The following RASSF5 variants were observed in gnomAD, a reference collection of about 807,000 sequenced individuals.
RASSF5 encodes the protein ras association domain-containing protein 5.
A neutral mutation model predicts 40.5 loss-of-function variants in RASSF5; 25 were observed. The observed-to-expected ratio is 0.62, with a 90% CI of 0.45 to 0.86. The LOEUF (loss-of-function observed/expected upper bound fraction) is 0.86, where lower values mean the gene tolerates loss of function less well. Among genes scored for constraint, RASSF5 ranks in the 40% least tolerant of loss-of-function variants. The pLI is 0.00. For synonymous variants in RASSF5, 246 were observed against 252.4 expected (o/e 0.97, Z 0.24); for missense variants, 521 against 572.8 (o/e 0.91, Z 0.92).
chr1:206,509,753 G>C (rs1553394383), intron 1 of RASSF5, among the ~76,000 whole-genome samples: 1 of 151,660 alleles, frequency 6.6e-6, no homozygotes, highest in African/African-American at 2.4e-5. Context: ...TGGTGATAAT[G>C]GTGCGTTTGT....
Position 206,584,436 on chromosome 1 carries a change from G to T in RASSF5, c.740G>T (p.Arg247Leu), listed in dbSNP as rs150163860. ...TTCATCAAAGTGCATCTGAAACTCC[G>T]GCGGCCTGTGACGGTGCCTGCTGGG... Reference protein sequence around the residue: ...TGFIKVHLKLRRPVTVPAGIR... With the variant: ...TGFIKVHLKLLRPVTVPAGIR... Residue 247 changes from arginine (R) to leucine (L), a missense_variant, in exon 4 of 6, where the codon CGG becomes CTG. Arg to Leu is a moderately radical substitution (Grantham distance 102). This residue lies in a region of RASSF5 where 284 missense variants were observed against 360.8 expected (regional missense o/e 0.79). Coordinates refer to ENST00000579436, the MANE Select transcript of RASSF5 (RefSeq NM_182663.4). This position sits in a 1 kb window ranked among gnomAD's most constrained non-coding sequence, Gnocchi z 4.9. The T allele has an allele frequency of 6.1e-5, 99 of 1,614,110 alleles. No homozygotes were observed. In the African/African-American group the frequency reaches 1.1e-3, roughly 18 times the overall value.
chr1:206,585,436 G>C (rs1175449083), intron 5 of RASSF5, 141 bp downstream of exon 5: 1 of 669,256 alleles, frequency 1.5e-6, no homozygotes, highest in Admixed American at 2.2e-5. Context: ...GAGCAGGGGT[G>C]GGTGATGGGC....
rs200482213 is a variant in RASSF5, at chr1:206,584,378, C to T, written c.691-9C>T. 30 of 1,604,020 alleles carry T rather than the reference C, an allele frequency of 1.9e-5. No individual in the cohort carries two copies. The highest frequency in any genetic ancestry group is 1.7e-4 in the Middle Eastern group (1 of 5,994). ...GCCCTGACCCCCTGTGACATGCCCC[C>T]GCTGGCAGAGTGAAGACGGCACCTA... is the stretch of plus-strand genomic sequence containing the variant. On this transcript the variant is annotated splice_polypyrimidine_tract_variant and intron_variant, in intron 3 of 5. Coordinates refer to ENST00000579436, the MANE Select transcript of RASSF5 (RefSeq NM_182663.4). This position sits in a 1 kb window ranked among gnomAD's most constrained non-coding sequence, Gnocchi z 4.9.
intron 2 of RASSF5, chr1:206,557,446 G>C (rs1464502615): frequency 6.3e-6 from 9 of 1,436,624 alleles, no homozygotes; most frequent in Non-Finnish European, 8.2e-6. Flanking sequence ...ACCAGCTCCC[G>C]GCTCGGGGCT....
chr1:206,533,615 C>T (rs1438326180), intron 1 of RASSF5, among the ~76,000 whole-genome samples: 1 of 151,946 alleles, frequency 6.6e-6, no homozygotes, highest in Non-Finnish European at 1.5e-5. Context: ...ATCAACTGGG[C>T]ATGGTGGCAC....
intron 1 of RASSF5, among the ~76,000 whole-genome samples, chr1:206,536,791 G>A (rs1019531180): frequency 2.2e-5 from 3 of 135,414 alleles, no homozygotes; most frequent in Admixed American, 7.4e-5. Context: ...CACAAAACCC[G>A]CCCACCCTAA....
intron 2 of RASSF5, among the ~76,000 whole-genome samples, chr1:206,538,664 T>A (rs1167520248): frequency 6.6e-6 from 1 of 152,178 alleles, no homozygotes; most frequent in Non-Finnish European, 1.5e-5. Flanking sequence ...TCAAGCACAT[T>A]GTCCAGCCAG....
At chr1:206,585,385 G>C in intron 5 of RASSF5, 90 bp downstream of exon 5, 1 of 896,792 alleles carries the variant, frequency 1.1e-6, no homozygotes. Flanking sequence ...ACATAGGTGG[G>C]AGCCACGCAG....
At chr1:206,517,482 A>C (rs959686074) in intron 1 of RASSF5, among the ~76,000 whole-genome samples, 1 of 152,076 alleles carries the variant, frequency 6.6e-6, no homozygotes, top group African/African-American at 2.4e-5. Context: ...AAAAAAAAAG[A>C]AAAAAGAACA....
chr1:206,531,495 G>T lies in RASSF5; in HGVS notation c.458-6677G>T, dbSNP rs1291088831. On this transcript the variant is annotated intron_variant, in intron 1 of 5. Coordinates refer to ENST00000579436, the MANE Select transcript of RASSF5 (RefSeq NM_182663.4). The surrounding 1 kb of genome is among the most constrained non-coding windows in gnomAD (Gnocchi z 4.7). ...AGGGTAGAGGCTGCAGGGTGAGGGT[G>T]CAGGGGGCTGGAGGTGGTGGAGCTG... Among the ~76,000 whole-genome samples, 4 of 152,216 alleles carry T rather than the reference G, an allele frequency of 2.6e-5. No homozygotes were observed. Among genetic ancestry groups the T allele is most frequent in the African/African-American group, 4.8e-5 (2 of 41,456 alleles).
intron 1 of RASSF5, chr1:206,529,277 C>A: frequency 2.1e-6 from 2 of 942,598 alleles, no homozygotes; most frequent in Non-Finnish European, 3.4e-6. Flanking sequence ...GAGCTGCCGG[C>A]AAAGGGGACG....
At chr1:206,508,410 C>T (rs1233499147) in intron 1 of RASSF5, among the ~76,000 whole-genome samples, 12 of 151,652 alleles carry the variant, frequency 7.9e-5, no homozygotes, top group African/African-American at 2.9e-4. Context: ...CCTCTGTCAT[C>T]TCCCTGTGCA....
chr1:206,575,676 C>G (rs1258249048), intron 2 of RASSF5, among the ~76,000 whole-genome samples: 1 of 152,186 alleles, frequency 6.6e-6, no homozygotes, highest in East Asian at 1.9e-4. Flanking sequence ...ACCACCCTAT[C>G]TTATGTGTAA....
At chr1:206,514,308 C>T (rs1467920987) in intron 1 of RASSF5, among the ~76,000 whole-genome samples, 4 of 152,192 alleles carry the variant, frequency 2.6e-5, no homozygotes, top group African/African-American at 4.8e-5. Flanking sequence ...GATTTTCTTT[C>T]GGATTTTCCT....
chr1:206,576,937 G>A (rs1668679244), intron 2 of RASSF5, among the ~76,000 whole-genome samples: 1 of 151,838 alleles, frequency 6.6e-6, no homozygotes, highest in South Asian at 2.1e-4. Context: ...CTGAGTAGCT[G>A]GCACTACAGG....
chr1:206,533,583 C>G (rs1331791272), intron 1 of RASSF5, among the ~76,000 whole-genome samples: 1 of 151,974 alleles, frequency 6.6e-6, no homozygotes, highest in Non-Finnish European at 1.5e-5. Context: ...TAGAGAGACC[C>G]TGTTTCAACA....
chr1:206,530,831 T>A (rs940138711), intron 1 of RASSF5, among the ~76,000 whole-genome samples: 11 of 152,108 alleles, frequency 7.2e-5, no homozygotes, highest in Admixed American at 3.3e-4. Flanking sequence ...CCATGGAAGG[T>A]CTGAGGATGA....
intron 2 of RASSF5, among the ~76,000 whole-genome samples, chr1:206,556,804 C>T (rs1553401814): frequency 6.6e-6 from 1 of 152,152 alleles, no homozygotes; most frequent in South Asian, 2.1e-4. Context: ...ATTGACCCGG[C>T]TCCCCCACCC....
chr1:206,547,768 T>G (rs1241600409), intron 2 of RASSF5, among the ~76,000 whole-genome samples: 1 of 152,142 alleles, frequency 6.6e-6, no homozygotes, highest in Non-Finnish European at 1.5e-5. Flanking sequence ...CTTACAATAT[T>G]GTTACTATTT....
Sources: allele counts gnomAD v4.1 joint callset (sites outside exome capture counted in the v4.1 genomes callset), GRCh38; gene constraint gnomAD v4.1.1; regional missense constraint gnomAD v4.1.1; non-coding constraint Gnocchi (gnomAD v3.1); transcripts MANE v1.5; gene names NCBI Gene and HGNC (gene_info 2026-07-23, HGNC 2026-07-21).